ATP6V0D1: variants seen among roughly 807,000 people sequenced by gnomAD.
ATP6V0D1 encodes V-type proton ATPase subunit d 1.
ATP6V0D1 carries 13 observed loss-of-function variants against 39.0 expected under a neutral mutation model. The observed-to-expected ratio is 0.33, with a 90% confidence interval of 0.22 to 0.53. The LOEUF is 0.53. Ranked by LOEUF, ATP6V0D1 falls within the 20% of genes least tolerant of loss-of-function variation. ATP6V0D1 has a pLI of 0.94. For missense variants in ATP6V0D1, 272 were observed against 470.9 expected, an observed-to-expected ratio of 0.58 and a Z score of 3.91; for synonymous variants, 191 against 191.2, an observed-to-expected ratio of 1.00 and a Z score of 0.01.
chr16:67,439,634 GA>G (rs1209297773), intron 4 of ATP6V0D1: 6 of 493,436 alleles, frequency 1.2e-5, no homozygotes, highest in Non-Finnish European at 2.2e-5. Context: ...TCACCTCACA[GA>G]AGGCTGGGCT....
chr16:67,450,245 G>A (rs1597572949), intron 2 of ATP6V0D1, among the ~76,000 whole-genome samples: 1 of 152,154 alleles, frequency 6.6e-6, no homozygotes, highest in Non-Finnish European at 1.5e-5. Flanking sequence ...ACAGAGCCAG[G>A]TGCACCATGC....
chr16:67,474,279 C>T (rs899807991), intron 1 of ATP6V0D1, among the ~76,000 whole-genome samples: 6 of 152,196 alleles, frequency 3.9e-5, no homozygotes, highest in African/African-American at 2.4e-5. Context: ...CTCAGAGACC[C>T]TAATATTATT....
chr16:67,453,068 G>A lies in ATP6V0D1; in HGVS notation c.302+476C>T, dbSNP rs117843778. 3.5e-3 allele frequency among the ~76,000 whole-genome samples: 536 copies of A among 152,286 alleles called. 10 individuals are homozygous for A. In the East Asian group the frequency reaches 0.064, roughly 18 times the overall value. On this transcript the variant is annotated intron_variant, in intron 2 of 7. Transcript: ENST00000290949. The surrounding 1 kb of genome is among the most constrained non-coding windows in gnomAD (Gnocchi z 4.1). The stretch of plus-strand genomic sequence containing the variant: ...CCATGGTCAGAGCAGATAGAGAATG[G>A]GCCTATCCTAAGACCTTGGCCTTTC...
intron 1 of ATP6V0D1, among the ~76,000 whole-genome samples, chr16:67,467,799 G>A (rs985170215): frequency 1.3e-5 from 2 of 152,170 alleles, no homozygotes; most frequent in African/African-American, 4.8e-5. Context: ...TCATGTCCTT[G>A]CACCTGTTCA....
intron 1 of ATP6V0D1, among the ~76,000 whole-genome samples, chr16:67,475,997 A>T (rs1157773736): frequency 6.6e-6 from 1 of 152,146 alleles, no homozygotes; most frequent in African/African-American, 2.4e-5. Flanking sequence ...TGGGAGGCCG[A>T]GGTGGGTGGA....
chr16:67,472,339 C>A (rs555059417), intron 1 of ATP6V0D1, among the ~76,000 whole-genome samples: 144 of 152,282 alleles, frequency 9.5e-4, no homozygotes, highest in African/African-American at 3.3e-3. Flanking sequence ...AGTAAATGTT[C>A]CTTCTATTAT....
At chr16:67,480,869 G>A in intron 1 of ATP6V0D1, 88 bp downstream of exon 1, 2 of 1,545,486 alleles carry the variant, frequency 1.3e-6, no homozygotes, top group South Asian at 1.2e-5. Context: ...GGCCCTTCAA[G>A]ACCCCCCCTT....
intron 1 of ATP6V0D1, among the ~76,000 whole-genome samples, chr16:67,462,322 T>C (rs1361128203): frequency 2.0e-5 from 3 of 152,232 alleles, no homozygotes; most frequent in African/African-American, 7.2e-5. Flanking sequence ...CCCTGCACTT[T>C]GACCGAAGCA....
chr16:67,444,915 C>T lies in ATP6V0D1; in HGVS notation c.303-209G>A, dbSNP rs901263468. Among the ~76,000 whole-genome samples the T allele has an allele frequency of 6.6e-6, 1 of 152,172 alleles. No homozygotes were observed. Among genetic ancestry groups the T allele is most frequent in the African/African-American group, 2.4e-5 (1 of 41,444 alleles). On this transcript the variant is annotated intron_variant, in intron 2 of 7. Transcript: ENST00000290949. This position sits in a 1 kb window ranked among gnomAD's most constrained non-coding sequence, Gnocchi z 4.8. The stretch of plus-strand genomic sequence containing the variant: ...CACCCCCACTGCCAGAGGCCTAGGA[C>T]AGACACAGGCCCCCCAAACGGGCGG...
Position 67,481,102 on chromosome 16 carries a change from G to A in ATP6V0D1, c.-16C>T, listed in dbSNP as rs781339595. 6.2e-7 allele frequency: 1 copy of A among 1,613,634 alleles called. No individual in the cohort carries two copies. Among genetic ancestry groups the A allele is most frequent in the Non-Finnish European group, 8.5e-7 (1 of 1,179,682 alleles). ...AGAACGACATGGCTGCTGCGGGAGCGGCGGGACCGGAGAACCAGGACCGGC... is the reference window on the plus strand; with the variant it reads ...AGAACGACATGGCTGCTGCGGGAGCAGCGGGACCGGAGAACCAGGACCGGC... On this transcript the variant is annotated 5_prime_UTR_variant, in exon 1 of 8. Coordinates refer to ENST00000290949, the MANE Select transcript of ATP6V0D1 (RefSeq NM_004691.5).
rs889761517 is a variant in ATP6V0D1 at position 67,447,565 on chromosome 16, T to C, written c.303-2859A>G. The stretch of plus-strand genomic sequence containing the variant: ...GCATCTCCCTCCAGGGGAAGACAGC[T>C]GGGGAGTGGAGGGCCGGCTGCCCGC... On this transcript the variant is annotated intron_variant, in intron 2 of 7. Transcript: ENST00000290949. This position sits in a 1 kb window ranked among gnomAD's most constrained non-coding sequence, Gnocchi z 4.1. 6.6e-6 allele frequency among the ~76,000 whole-genome samples: 1 copy of C among 150,414 alleles called. No homozygotes were observed. The highest frequency in any genetic ancestry group is 2.5e-5 in the African/African-American group (1 of 40,808).
chr16:67,444,811 A>G lies in ATP6V0D1; in HGVS notation c.303-105T>C, dbSNP rs1243243747. 9.3e-7 allele frequency: 1 copy of G among 1,071,172 alleles called. No homozygotes were observed. Among genetic ancestry groups the G allele is most frequent in the Non-Finnish European group, 1.3e-6 (1 of 763,918 alleles). The allele number at this position is 1,071,172 out of a possible 1,614,324, so 66.4% of individuals were successfully genotyped here. On this transcript the variant is annotated intron_variant, in intron 2 of 7. Coordinates refer to ENST00000290949, the MANE Select transcript of ATP6V0D1 (RefSeq NM_004691.5). The surrounding 1 kb of genome is among the most constrained non-coding windows in gnomAD (Gnocchi z 4.8). ...CCTGCACAGGCCATCACCCCTTAAC[A>G]ATGTATGCTGACTCATGGGTGCTGC...
intron 1 of ATP6V0D1, among the ~76,000 whole-genome samples, chr16:67,473,285 T>TA (rs1486432311): frequency 6.6e-6 from 1 of 152,150 alleles, no homozygotes; most frequent in Non-Finnish European, 1.5e-5. Flanking sequence ...TTTGCCAACT[T>TA]AAAGTGTACA....
chr16:67,445,477 G>C (rs2041104846), intron 2 of ATP6V0D1, among the ~76,000 whole-genome samples: 1 of 152,168 alleles, frequency 6.6e-6, no homozygotes, highest in South Asian at 2.1e-4. Context: ...GGGGTTCTCT[G>C]GAATGAAGGC....
intron 2 of ATP6V0D1, among the ~76,000 whole-genome samples, chr16:67,448,303 T>C (rs1406596345): frequency 1.3e-5 from 2 of 150,166 alleles, no homozygotes; most frequent in Non-Finnish European, 3.0e-5. Flanking sequence ...AGGTGAGCTA[T>C]GATCATGCCA....
Position 67,444,637 on chromosome 16 carries a change from C to T in ATP6V0D1, c.372G>A (p.Glu124=). 6.2e-7 allele frequency: 1 copy of T among 1,613,418 alleles called. No homozygotes were observed. The highest frequency in any genetic ancestry group is 8.5e-7 in the Non-Finnish European group (1 of 1,179,610). ...CTAGTGGGTGGCACTTGGGCACGAG[C>T]TCAGCGATGGAGCGCTGGTGCAGCG... ...TGTLHQRSIA[E]LVPKCHPLGS... The change falls in exon 3 of 8, where the codon GAG becomes GAA. Residue 124 remains glutamate, a synonymous_variant. Transcript: ENST00000290949. This position sits in a 1 kb window ranked among gnomAD's most constrained non-coding sequence, Gnocchi z 4.8.
rs371959654 is a variant in ATP6V0D1 at position 67,461,436 on chromosome 16, G to A, written c.131-7721C>T. Among the ~76,000 whole-genome samples the A allele has an allele frequency of 2.0e-5, 3 of 152,208 alleles. No individual in the cohort carries two copies. In the East Asian group the frequency reaches 5.8e-4, roughly 29 times the overall value. ...TAGAGAGAGGCAAGGACAGAACTCT[G>A]CACCACCCACCACACCCTGAGTTGC... On this transcript the variant is annotated intron_variant, in intron 1 of 7. Transcript: ENST00000290949.
At chr16:67,467,454 A>C (rs2041339506) in intron 1 of ATP6V0D1, among the ~76,000 whole-genome samples, 1 of 152,108 alleles carries the variant, frequency 6.6e-6, no homozygotes, top group Admixed American at 6.6e-5. Flanking sequence ...GCAGTGAGCC[A>C]AGATCATGCC....
At chr16:67,463,732 T>A (rs2041307486) in intron 1 of ATP6V0D1, among the ~76,000 whole-genome samples, 1 of 152,250 alleles carries the variant, frequency 6.6e-6, no homozygotes, top group African/African-American at 2.4e-5. Context: ...CTATACAAGC[T>A]GGTCCAGTAC....
Sources: allele counts gnomAD v4.1 joint callset (sites outside exome capture counted in the v4.1 genomes callset), GRCh38; gene constraint gnomAD v4.1.1; non-coding constraint Gnocchi (gnomAD v3.1); transcripts MANE v1.5; gene names NCBI Gene and HGNC (gene_info 2026-07-23, HGNC 2026-07-21).